CEP63: variants seen among roughly 807,000 people sequenced by gnomAD.
CEP63 encodes the protein centrosomal protein 63, also known as centrosomal protein of 63 kDa.
CEP63 carries 84 observed loss-of-function variants against 89.1 expected under a neutral mutation model. The observed-to-expected ratio is 0.94, with a 90% CI of 0.79 to 1.13. The LOEUF is 1.13. CEP63 is among the 50% of genes most tolerant of loss of function. CEP63 has a pLI of 0.00. For synonymous variants in CEP63, 267 were observed against 272.5 expected, an observed-to-expected ratio of 0.98 and a Z score of 0.20; for missense variants, 838 against 813.3, an observed-to-expected ratio of 1.03 and a Z score of -0.37.
chr3:134,739,341 T>C, the CEP63 span, among the ~76,000 whole-genome samples: 1 of 152,216 alleles, frequency 6.6e-6, no homozygotes, highest in South Asian at 2.1e-4. Flanking sequence ...TTGCTGTAGG[T>C]ATAAATTAGT....
the CEP63 span, among the ~76,000 whole-genome samples, chr3:134,638,576 G>C: frequency 2.0e-5 from 3 of 152,198 alleles, no homozygotes; most frequent in African/African-American, 7.2e-5. Flanking sequence ...GAGCATGTTA[G>C]AGATTATTTT....
At chr3:134,741,658 TTTA>T in the CEP63 span, among the ~76,000 whole-genome samples, 2 of 152,228 alleles carry the variant, frequency 1.3e-5, no homozygotes, top group Non-Finnish European at 2.9e-5. Flanking sequence ...TCCTTTGAGG[TTTA>T]TGCCTTTGCT....
the CEP63 span, chr3:134,610,282 G>A: frequency 1.9e-6 from 3 of 1,613,944 alleles, no homozygotes; most frequent in South Asian, 1.1e-5. Flanking sequence ...CAGGTACACA[G>A]CATTCCAGGC....
the CEP63 span, among the ~76,000 whole-genome samples, chr3:134,659,810 C>A: frequency 6.6e-6 from 1 of 152,140 alleles, no homozygotes; most frequent in Non-Finnish European, 1.5e-5. Context: ...AGGGGCCTGG[C>A]GGGAGGATGT....
chr3:134,759,960 T>G, the CEP63 span, among the ~76,000 whole-genome samples: 3 of 152,206 alleles, frequency 2.0e-5, no homozygotes, highest in Non-Finnish European at 4.4e-5. Flanking sequence ...AAAAACAGAA[T>G]TAGAACCCGT....
In CEP63 at chr3:134,550,024, C is replaced by G. The variant is rs763350615; in HGVS notation, c.1183-39C>G. On this transcript the variant is annotated intron_variant, in intron 10 of 14. Coordinates refer to ENST00000675561, the MANE Select transcript of CEP63 (RefSeq NM_001353108.3). ...ACATATTATTCTATCTAAATGCTTT[C>G]TCTTAACTTTTGGTGCTTTCTTTTC... The G allele has an allele frequency of 7.0e-6, 10 of 1,432,004 alleles. No individual in the cohort carries two copies. The South Asian group carries it at 1.1e-4, about 16-fold the overall frequency. The allele number at this position is 1,432,004 out of a possible 1,614,324, so 88.7% of individuals were successfully genotyped here. A position where few individuals can be genotyped will look rare whatever the true frequency, so the allele number is the denominator to read the frequency against.
At chr3:134,700,132 A>G in the CEP63 span, among the ~76,000 whole-genome samples, 1 of 152,232 alleles carries the variant, frequency 6.6e-6, no homozygotes. Flanking sequence ...CTCCAACCCA[A>G]TGCCTAGAAA....
intron 6 of CEP63, among the ~76,000 whole-genome samples, chr3:134,540,291 CT>C (rs199848585): frequency 3.3e-4 from 50 of 152,258 alleles, no homozygotes; most frequent in East Asian, 3.1e-3. Flanking sequence ...GAATTCCCCC[CT>C]ATCGTTAAAT....
the CEP63 span, among the ~76,000 whole-genome samples, chr3:134,668,414 C>T: frequency 6.6e-6 from 1 of 152,136 alleles, no homozygotes; most frequent in South Asian, 2.1e-4. Context: ...CTACCTCGGC[C>T]TGAAGAGGAA....
intron 2 of CEP63, among the ~76,000 whole-genome samples, chr3:134,499,904 A>G (rs1941443992): frequency 7.0e-6 from 1 of 142,868 alleles, no homozygotes; most frequent in South Asian, 2.2e-4. Context: ...GCTCACTGCA[A>G]CCTCTGTCTT....
Position 134,550,137 on chromosome 3 carries a change from TC to T in CEP63, c.1258del (p.Leu420Ter). 1 of 1,613,902 alleles carries T rather than the reference TC, an allele frequency of 6.2e-7. No individual in the cohort carries two copies. The highest frequency in any genetic ancestry group is 8.5e-7 in the Non-Finnish European group (1 of 1,179,780). On this transcript the variant is annotated frameshift_variant, in exon 11 of 15. Coordinates refer to ENST00000675561, the MANE Select transcript of CEP63 (RefSeq NM_001353108.3). LOFTEE classifies it high-confidence loss of function. ...LEGMKMEISH[L>X]TQELHQRDIT... ...AAGGAATGAAGATGGAAATCTCCCA[TC>T]TAACTCAGGAGTTACATCAGCGAGA... is the stretch of plus-strand genomic sequence containing the variant.
intron 11 of CEP63, among the ~76,000 whole-genome samples, chr3:134,572,787 G>C (rs776957476): frequency 6.6e-6 from 1 of 152,078 alleles, no homozygotes; most frequent in Admixed American, 6.5e-5. Context: ...TGGAATTGCT[G>C]GGTCAAATGG....
chr3:134,560,018 A>G (rs1156287258), intron 14 of CEP63, among the ~76,000 whole-genome samples: 1 of 152,228 alleles, frequency 6.6e-6, no homozygotes, highest in Non-Finnish European at 1.5e-5. Flanking sequence ...AGCTGTGGCC[A>G]TATAGATGTG....
At chr3:134,506,348 C>G (rs934062269) in intron 2 of CEP63, among the ~76,000 whole-genome samples, 5 of 152,196 alleles carry the variant, frequency 3.3e-5, no homozygotes, top group African/African-American at 4.8e-5. Flanking sequence ...GCAGCTCTTA[C>G]AATTGTATTA....
the CEP63 span, among the ~76,000 whole-genome samples, chr3:134,752,968 G>C: frequency 1 from 152,264 of 152,300 alleles, 76,114 homozygotes; most frequent in Non-Finnish European, 1. Context: ...TGGTGGCCAG[G>C]AGCCTGGCAG....
downstream of CEP63, among the ~76,000 whole-genome samples, chr3:134,569,519 A>G (rs931897257): frequency 1.3e-4 from 20 of 152,218 alleles, no homozygotes; most frequent in Non-Finnish European, 1.8e-4. Flanking sequence ...TTTTGACCCC[A>G]TGTCTCACAT....
At chr3:134,715,580 CG>C in the CEP63 span, among the ~76,000 whole-genome samples, 1 of 149,260 alleles carries the variant, frequency 6.7e-6, no homozygotes, top group Non-Finnish European at 1.5e-5. Flanking sequence ...CAGATAGGCC[CG>C]GGGTCTCACA....
intron 6 of CEP63, among the ~76,000 whole-genome samples, chr3:134,540,529 A>T (rs1951786474): frequency 6.6e-6 from 1 of 152,166 alleles, no homozygotes; most frequent in Non-Finnish European, 1.5e-5. Context: ...TTTCTCTAGC[A>T]GTATGTGAGA....
chr3:134,518,641 G>C (rs1946747936), intron 3 of CEP63, among the ~76,000 whole-genome samples: 1 of 152,120 alleles, frequency 6.6e-6, no homozygotes, highest in Non-Finnish European at 1.5e-5. Flanking sequence ...CTAATGTGGT[G>C]CCTAGAATGT....
Sources: gnomAD v4.1 joint callset for allele counts (sites outside exome capture counted in the v4.1 genomes callset) on GRCh38, gnomAD v4.1.1 for gene constraint, MANE v1.5 for transcripts, NCBI Gene and HGNC (gene_info 2026-07-23, HGNC 2026-07-21) for gene names.